Variants in OTUD7A observed in about 807,000 individuals in gnomAD.
The protein encoded by OTUD7A is OTU deubiquitinase 7A, also known as OTU domain-containing protein 7A.
A neutral mutation model predicts 65.7 loss-of-function variants in OTUD7A; 12 were observed. The ratio of observed to expected loss-of-function variants is 0.18; its 90% CI spans 0.12 to 0.30. OTUD7A has a LOEUF of 0.30. OTUD7A is among the 10% of genes least tolerant of loss of function. OTUD7A has a pLI of 1.00. For synonymous variants in OTUD7A, 641 were observed against 586.3 expected (o/e 1.09, Z -1.35); for missense variants, 1,148 against 1,304.8 (o/e 0.88, Z 1.85).
At chr15:31,630,615 G>A (rs145234054) in intron 3 of OTUD7A, among the ~76,000 whole-genome samples, 1,693 of 152,328 alleles carry the variant, frequency 0.011, 18 homozygotes, top group Non-Finnish European at 0.019. Context: ...GCCTGCTGCA[G>A]AGCTGAGTTC....
intron 8 of OTUD7A, among the ~76,000 whole-genome samples, chr15:31,506,010 T>G (rs908416469): frequency 2.6e-5 from 4 of 152,262 alleles, no homozygotes; most frequent in East Asian, 1.9e-4. Flanking sequence ...AGTGCTGGGA[T>G]TACAGACGTG....
At chr15:31,530,839 C>G (rs1235337217) in intron 5 of OTUD7A, 31 bp from the exon 6 acceptor site, 1 of 1,593,890 alleles carries the variant, frequency 6.3e-7, no homozygotes, top group Non-Finnish European at 8.6e-7. Flanking sequence ...AGAACAGGAT[C>G]CCAGAAAAGG....
At chr15:31,597,519 T>C (rs1595640997) in intron 3 of OTUD7A, among the ~76,000 whole-genome samples, 1 of 152,048 alleles carries the variant, frequency 6.6e-6, no homozygotes, top group East Asian at 1.9e-4. Flanking sequence ...TTCAGCACCT[T>C]TGTTGAAAAG....
rs531666361 is a variant in OTUD7A, at chr15:31,655,364, C to G, written c.-4-114G>C. The stretch of plus-strand genomic sequence containing the variant: ...CCCTCGAGGGTGGAGCCATTTCCAC[C>G]TGCTGTCATATTTTTTAGAATTGGT... On this transcript the variant is annotated intron_variant, in intron 2 of 12. Transcript: ENST00000307050. 2.5e-3 allele frequency: 1,430 copies of G among 562,094 alleles called. 54 individuals are homozygous for G. The Admixed American group carries it at 0.045, about 18-fold the overall frequency. The allele number at this position is 562,094 out of a possible 1,614,324, so 34.8% of individuals were successfully genotyped here.
chr15:31,824,764 C>T (rs1896760700), intron 1 of OTUD7A, among the ~76,000 whole-genome samples: 1 of 152,142 alleles, frequency 6.6e-6, no homozygotes, highest in Non-Finnish European at 1.5e-5. Flanking sequence ...TGCAGATGGC[C>T]TGTCTTATTT....
At chr15:31,846,122 ACTCT>A (rs1231445664) in intron 1 of OTUD7A, among the ~76,000 whole-genome samples, 1 of 151,424 alleles carries the variant, frequency 6.6e-6, no homozygotes, top group Non-Finnish European at 1.5e-5. Context: ...TGTCCTTCAG[ACTCT>A]CTCTACCTCC....
At chr15:31,651,371 T>C (rs1377869051) in intron 3 of OTUD7A, among the ~76,000 whole-genome samples, 1 of 151,794 alleles carries the variant, frequency 6.6e-6, no homozygotes, top group Non-Finnish European at 1.5e-5. Flanking sequence ...AACATTCTAC[T>C]TAATGGTGAA....
At chr15:31,766,900 T>A (rs1347420646) in intron 1 of OTUD7A, 3 of 1,609,896 alleles carry the variant, frequency 1.9e-6, no homozygotes, top group Non-Finnish European at 1.7e-6. Flanking sequence ...CCCTGACACA[T>A]CTACAATTCC....
intron 1 of OTUD7A, among the ~76,000 whole-genome samples, chr15:31,797,984 T>G (rs1350174853): frequency 1.3e-5 from 2 of 152,158 alleles, no homozygotes; most frequent in African/African-American, 4.8e-5. Context: ...TCTTCTTGGT[T>G]GGGAGACACC....
intron 1 of OTUD7A, among the ~76,000 whole-genome samples, chr15:31,824,098 G>T (rs943575247): frequency 4.6e-5 from 7 of 152,196 alleles, no homozygotes; most frequent in African/African-American, 1.7e-4. Flanking sequence ...TAGCCACTAG[G>T]CAGATCACCT....
intron 1 of OTUD7A, among the ~76,000 whole-genome samples, chr15:31,800,800 C>A (rs2140948351): frequency 6.6e-6 from 1 of 152,148 alleles, no homozygotes; most frequent in East Asian, 1.9e-4. Context: ...TATTCTAAGA[C>A]CCCTCATAGG....
Position 31,868,171 on chromosome 15 carries a change from T to C in OTUD7A, c.-100+2336A>G, listed in dbSNP as rs558579222. Among the ~76,000 whole-genome samples, 31 of 152,330 alleles carry C rather than the reference T, an allele frequency of 2.0e-4. No individual in the cohort carries two copies. In the South Asian group the frequency reaches 5.8e-3, roughly 28 times the overall value. ...ACGGAAGATGTGACAGTGATCTCTT[T>C]TGGGAAATCACTGACAACTCCCAAA... On this transcript the variant is annotated intron_variant, in intron 1 of 12. Transcript: ENST00000307050.
chr15:31,526,471 G>T lies in OTUD7A; in HGVS notation c.781-10C>A. Reference sequence around the variant, plus strand: ...TGTACACCAGCCCTGACTGGCAGAGGGGAGCCGGCTCAGAAGGGGGGTGGG... The same window carrying T: ...TGTACACCAGCCCTGACTGGCAGAGTGGAGCCGGCTCAGAAGGGGGGTGGG... On this transcript the variant is annotated splice_polypyrimidine_tract_variant and intron_variant, in intron 7 of 12. Transcript: ENST00000307050. The T allele has an allele frequency of 6.4e-7, 1 of 1,568,618 alleles. No individual in the cohort carries two copies. The highest frequency in any genetic ancestry group is 2.3e-5 in the East Asian group (1 of 43,332).
At chr15:31,494,618 G>A (rs1489000519) in intron 10 of OTUD7A, among the ~76,000 whole-genome samples, 1 of 152,250 alleles carries the variant, frequency 6.6e-6, no homozygotes, top group Non-Finnish European at 1.5e-5. Flanking sequence ...CTGGGCTCCT[G>A]AACTCATGCC....
intron 10 of OTUD7A, among the ~76,000 whole-genome samples, chr15:31,491,733 CAAA>C (rs2041319599): frequency 6.6e-6 from 1 of 152,000 alleles, no homozygotes; most frequent in Admixed American, 6.5e-5. Flanking sequence ...AACCCAAAGA[CAAA>C]AAGAAAGTCT....
rs1269447815 is a variant in OTUD7A, at chr15:31,484,016, C to T, written c.2080G>A (p.Ala694Thr). The T allele has an allele frequency of 5.9e-6, 7 of 1,196,148 alleles. No individual in the cohort carries two copies. The African/African-American group carries it at 9.6e-5, about 16-fold the overall frequency. 74.1% of individuals were successfully genotyped at this position (1,196,148 alleles called of 1,614,324 possible). A position where few individuals can be genotyped will look rare whatever the true frequency, so the allele number is the denominator to read the frequency against. ...ATAAAAAAAA[A>T]AATAKRPPRR... ...GGCGGCCGCTTGGCCGTGGCGGCGGCGGCGGCGGCGGCAGCGGCGGCCGCA... is the reference window on the plus strand; with the variant it reads ...GGCGGCCGCTTGGCCGTGGCGGCGGTGGCGGCGGCGGCAGCGGCGGCCGCA... The change falls in exon 13 of 13, where the codon GCC becomes ACC. Residue 694 changes from alanine (A) to threonine (T), a missense_variant. By Grantham distance (58) the Ala-to-Thr change is moderately conservative. Around this residue, in one of 6 missense-constraint regions of OTUD7A, gnomAD observed 842 missense variants for 769.5 expected, o/e 1.09. Transcript: ENST00000307050. The surrounding 1 kb of genome is among the most constrained non-coding windows in gnomAD (Gnocchi z 4.5).
At chr15:31,854,610 T>C (rs911746446) in intron 1 of OTUD7A, among the ~76,000 whole-genome samples, 1 of 152,134 alleles carries the variant, frequency 6.6e-6, no homozygotes, top group Non-Finnish European at 1.5e-5. Flanking sequence ...CCCTACTGAT[T>C]ATATTGTGCC....
Position 31,487,278 on chromosome 15 carries a change from G to A in OTUD7A, c.1287C>T (p.His429=). 1 of 1,613,918 alleles carries A rather than the reference G, an allele frequency of 6.2e-7. No homozygotes were observed. The highest frequency in any genetic ancestry group is 8.5e-7 in the Non-Finnish European group (1 of 1,179,856). The stretch of plus-strand genomic sequence containing the variant: ...GCTTGGCTTCTAGCGACAGGATAAG[G>A]CTGGCAAGAGAAGAATATCCTATTG... ...KDDNDNARLA[H]LILSLEAKLN... is the part of the protein sequence containing the mutation. Residue 429 remains histidine, a splice_region_variant and synonymous_variant, in exon 12 of 13, where the codon CAC becomes CAT. Transcript: ENST00000307050. This position sits in a 1 kb window ranked among gnomAD's most constrained non-coding sequence, Gnocchi z 6.0.
At chr15:31,796,645 GA>G (rs1476716584) in intron 1 of OTUD7A, among the ~76,000 whole-genome samples, 2 of 152,120 alleles carry the variant, frequency 1.3e-5, no homozygotes, top group East Asian at 3.8e-4. Flanking sequence ...AGAGCATAAG[GA>G]AAAAAGTAGC....
Sources: allele counts gnomAD v4.1 joint callset (sites outside exome capture counted in the v4.1 genomes callset), GRCh38; gene constraint gnomAD v4.1.1; regional missense constraint gnomAD v4.1.1; non-coding constraint Gnocchi (gnomAD v3.1); transcripts MANE v1.5; gene names NCBI Gene and HGNC (gene_info 2026-07-23, HGNC 2026-07-21).